UNC80: variants seen among roughly 807,000 people sequenced by gnomAD.
The protein encoded by UNC80 is unc-80 subunit of NALCN channel complex.
Under a neutral mutation model 384.6 loss-of-function variants are expected in UNC80, and 164 were observed. That is an observed-to-expected ratio of 0.43 (90% CI 0.38 to 0.49). The LOEUF (loss-of-function observed/expected upper bound fraction) is 0.49. UNC80 is among the 20% of genes least tolerant of loss of function. The pLI, the probability that UNC80 is intolerant of heterozygous loss-of-function variation, is 0.00. For synonymous variants in UNC80, 1,486 were observed against 1,527.8 expected (o/e 0.97, Z 0.64); for missense variants, 3,330 against 4,143.0 (o/e 0.80, Z 5.39).
rs140740351 is a variant in UNC80 at position 209,851,586 on chromosome 2, A to C, written c.3627+1963A>C. ...GGCATGGTTCTCTTAGTGATAACAC[A>C]ACAAAACTCAACTGGAGGGCTGCAC... On this transcript the variant is annotated intron_variant, in intron 22 of 64. Coordinates refer to ENST00000673920, the MANE Select transcript of UNC80 (RefSeq NM_001371986.1). Among the ~76,000 whole-genome samples, 432 of 152,250 alleles carry C rather than the reference A, an allele frequency of 2.8e-3. 1 individual carries two copies. The highest frequency in any genetic ancestry group is 9.7e-3 in the African/African-American group (402 of 41,562).
intron 48 of UNC80, among the ~76,000 whole-genome samples, chr2:209,954,926 C>T (rs2092342030): frequency 6.6e-6 from 1 of 151,958 alleles, no homozygotes; most frequent in Non-Finnish European, 1.5e-5. Flanking sequence ...GCTTGGGTGC[C>T]GAAGCAGAGT....
intron 59 of UNC80, among the ~76,000 whole-genome samples, chr2:209,979,438 C>T (rs190776134): frequency 3.3e-5 from 5 of 152,224 alleles, no homozygotes; most frequent in African/African-American, 7.2e-5. Flanking sequence ...AAAAGTGAGC[C>T]GTGTATATGC....
At chr2:209,939,720 T>C in intron 43 of UNC80, 68 bp downstream of exon 43, 2 of 1,363,842 alleles carry the variant, frequency 1.5e-6, no homozygotes, top group Non-Finnish European at 1.9e-6. Flanking sequence ...TTTTTAAAAT[T>C]TTATTATTAT....
chr2:209,934,196 G>T (rs1456417039), intron 39 of UNC80, among the ~76,000 whole-genome samples, 191 bp downstream of exon 39: 1 of 152,144 alleles, frequency 6.6e-6, no homozygotes, highest in African/African-American at 2.4e-5. Flanking sequence ...GTCAGCGGTT[G>T]CCAGCTGAAA....
intron 45 of UNC80, 128 bp from the exon 46 acceptor site, chr2:209,944,923 T>C (rs1268880817): frequency 3.6e-6 from 4 of 1,100,460 alleles, no homozygotes; most frequent in Non-Finnish European, 5.1e-6. Flanking sequence ...TCCAGAATTA[T>C]GTAAGCTGAA....
chr2:209,808,363 G>C (rs2079045425), intron 7 of UNC80, among the ~76,000 whole-genome samples: 1 of 151,976 alleles, frequency 6.6e-6, no homozygotes, highest in Non-Finnish European at 1.5e-5. Flanking sequence ...AGATGTTCGA[G>C]ACCAGCCTGG....
rs183303740 is a variant in UNC80 at position 209,949,973 on chromosome 2, G to A, written c.7286+4030G>A. On this transcript the variant is annotated intron_variant, in intron 47 of 64. Transcript: ENST00000673920. ...CTTCCAAGTAGCCGGCACTACAGGC[G>A]GGTGCCTTCACACCCTGCTAAGTTT... Among the ~76,000 whole-genome samples, 1,061 of 151,492 alleles carry A rather than the reference G, an allele frequency of 7.0e-3. 3 individuals carry two copies. Among genetic ancestry groups the A allele is most frequent in the Non-Finnish European group, 0.01 (711 of 67,852 alleles).
chr2:209,935,761 A>G lies in UNC80; in HGVS notation c.6226A>G (p.Thr2076Ala). 6.5e-7 allele frequency: 1 copy of G among 1,540,408 alleles called. No individual in the cohort carries two copies. The highest frequency in any genetic ancestry group is 8.8e-7 in the Non-Finnish European group (1 of 1,142,772). Residue 2076 changes from threonine to alanine, a missense_variant, in exon 40 of 65, where the codon ACC (threonine) becomes GCC (alanine). Physicochemically the swap from Thr to Ala is moderately conservative, Grantham distance 58. Around this residue, in one of 8 missense-constraint regions of UNC80, gnomAD observed 1,049 missense variants for 1,488.6 expected, o/e 0.70. Coordinates refer to ENST00000673920, the MANE Select transcript of UNC80 (RefSeq NM_001371986.1). Reference sequence around the variant, plus strand: ...TGGACAGAATGAGTGCGATATCCCAACCCAGTTACCAGTCCATGAAGACAC... The same window carrying G: ...TGGACAGAATGAGTGCGATATCCCAGCCCAGTTACCAGTCCATGAAGACAC... ...VHGQNECDIP[T>A]QLPVHEDTQF...
At chr2:209,910,136 T>C (rs1174885311) in intron 29 of UNC80, among the ~76,000 whole-genome samples, 3 of 151,476 alleles carry the variant, frequency 2.0e-5, no homozygotes, top group South Asian at 2.1e-4. Flanking sequence ...AATTTATCAC[T>C]CTTGTTTCCA....
intron 22 of UNC80, among the ~76,000 whole-genome samples, chr2:209,853,856 A>C (rs1455076603): frequency 6.6e-6 from 1 of 152,100 alleles, no homozygotes; most frequent in East Asian, 1.9e-4. Flanking sequence ...GACCATCCAT[A>C]GGATCATAGA....
chr2:209,806,436 A>G (rs1343734216), intron 7 of UNC80, among the ~76,000 whole-genome samples: 2 of 152,228 alleles, frequency 1.3e-5, no homozygotes, highest in Non-Finnish European at 2.9e-5. Context: ...TCCCTGACAT[A>G]TATGTGCGTA....
intron 4 of UNC80, among the ~76,000 whole-genome samples, chr2:209,784,398 C>G (rs1459198559): frequency 6.6e-6 from 1 of 152,100 alleles, no homozygotes; most frequent in African/African-American, 2.4e-5. Flanking sequence ...CTTATCAAGA[C>G]CTATCAGGCA....
intron 61 of UNC80, among the ~76,000 whole-genome samples, chr2:209,990,112 G>A (rs531175665): frequency 3.0e-4 from 46 of 152,084 alleles, no homozygotes; most frequent in African/African-American, 1.1e-3. Flanking sequence ...AGAAAATTTC[G>A]ATGCTTATGA....
intron 28 of UNC80, among the ~76,000 whole-genome samples, chr2:209,900,262 A>G (rs200962328): frequency 1.3e-5 from 2 of 152,092 alleles, no homozygotes; most frequent in Admixed American, 6.6e-5. Context: ...GCAACCCTGC[A>G]TTGAGCAAGT....
chr2:209,809,320 C>T, intron 7 of UNC80: 4 of 771,814 alleles, frequency 5.2e-6, no homozygotes, highest in Non-Finnish European at 9.6e-6. Context: ...CCACACGCTG[C>T]CCTTCGCCTG....
At chr2:209,972,008 C>T (rs1421585700) in intron 54 of UNC80, among the ~76,000 whole-genome samples, 193 bp from the exon 55 acceptor site, 4 of 152,116 alleles carry the variant, frequency 2.6e-5, no homozygotes, top group Admixed American at 2.0e-4. Flanking sequence ...AGGTGTATAG[C>T]TCTCAATTAT....
chr2:209,834,446 C>T (rs1316872591), intron 17 of UNC80, among the ~76,000 whole-genome samples: 1 of 152,096 alleles, frequency 6.6e-6, no homozygotes, highest in Non-Finnish European at 1.5e-5. Context: ...AATGGTAAAA[C>T]GCTACCTGTT....
chr2:209,952,892 G>T (rs16843970), intron 47 of UNC80, among the ~76,000 whole-genome samples: 3 of 152,026 alleles, frequency 2.0e-5, no homozygotes, highest in Non-Finnish European at 4.4e-5. Context: ...CCGTACCCAT[G>T]AAATTCTGAT....
At chr2:209,861,715 G>C (rs146158587) in intron 22 of UNC80, among the ~76,000 whole-genome samples, 417 of 152,290 alleles carry the variant, frequency 2.7e-3, no homozygotes, top group Non-Finnish European at 4.9e-3. Flanking sequence ...TTCAGAACTT[G>C]TTATCGTTCT....
Sources: gnomAD v4.1 joint callset for allele counts (sites outside exome capture counted in the v4.1 genomes callset) on GRCh38, gnomAD v4.1.1 for gene constraint, gnomAD v4.1.1 regional missense constraint, MANE v1.5 for transcripts, NCBI Gene and HGNC (gene_info 2026-07-23, HGNC 2026-07-21) for gene names.